ERC1: variants seen among roughly 807,000 people sequenced by gnomAD.
The protein encoded by ERC1 is ELKS/RAB6-interacting/CAST family member 1.
A neutral mutation model predicts 132.0 loss-of-function variants in ERC1; 56 were observed. That is an observed-to-expected ratio of 0.42 (90% CI 0.34 to 0.53). The LOEUF (loss-of-function observed/expected upper bound fraction) is 0.53, where lower values mean the gene tolerates loss of function less well. Ranked by LOEUF, ERC1 falls within the 20% of genes least tolerant of loss-of-function variation. The pLI, the probability that ERC1 is intolerant of heterozygous loss-of-function variation, is 0.03. For synonymous variants in ERC1, 478 were observed against 476.1 expected, an observed-to-expected ratio of 1.00 and a Z score of -0.05; for missense variants, 1,202 against 1,349.9, an observed-to-expected ratio of 0.89 and a Z score of 1.72.
chr12:1,162,693 T>A (rs1164225622), intron 8 of ERC1, among the ~76,000 whole-genome samples: 1 of 152,104 alleles, frequency 6.6e-6, no homozygotes, highest in East Asian at 1.9e-4. Context: ...CAATATTTAC[T>A]AATATATTCT....
At chr12:1,328,778 T>A (rs1287519034) in intron 15 of ERC1, among the ~76,000 whole-genome samples, 2 of 152,186 alleles carry the variant, frequency 1.3e-5, no homozygotes, top group Non-Finnish European at 2.9e-5. Context: ...GTCTTTTTTT[T>A]CTTACCATGG....
rs1156357737 is a variant in ERC1, at chr12:1,394,044, AC to A, written c.2926-14103del. 7.0e-3 allele frequency among the ~76,000 whole-genome samples: 506 copies of A among 72,332 alleles called. 36 individuals carry two copies. The highest frequency in any genetic ancestry group is 0.03 in the African/African-American group (482 of 15,842). 47.5% of individuals were successfully genotyped at this position (72,332 alleles called of 152,430 possible). A position where few individuals can be genotyped will look rare whatever the true frequency, so the allele number is the denominator to read the frequency against. ...AAAAAAAAAAAAAAACAAAAAAAAA[AC>A]CACAAAGCATTAAGCAATTTAATTT... On this transcript the variant is annotated intron_variant, in intron 16 of 18. Transcript: ENST00000360905.
At chr12:1,154,420 G>A (rs1489926021) in intron 8 of ERC1, among the ~76,000 whole-genome samples, 1 of 150,742 alleles carries the variant, frequency 6.6e-6, no homozygotes, top group Non-Finnish European at 1.5e-5. Context: ...TAACCTAGGT[G>A]GATTAAAGAC....
chr12:1,456,243 T>G (rs1440735725), intron 18 of ERC1, among the ~76,000 whole-genome samples: 1 of 152,216 alleles, frequency 6.6e-6, no homozygotes, highest in Admixed American at 6.5e-5. Context: ...GTATCGTGAT[T>G]TTACACCAAC....
chr12:1,360,151 C>G (rs1266354556), intron 15 of ERC1, among the ~76,000 whole-genome samples: 2 of 152,096 alleles, frequency 1.3e-5, no homozygotes, highest in East Asian at 3.9e-4. Flanking sequence ...CTTAATTTCT[C>G]TTCTGATTTT....
At chr12:1,005,001 TAAG>T (rs1963302030) in intron 1 of ERC1, among the ~76,000 whole-genome samples, 1 of 152,174 alleles carries the variant, frequency 6.6e-6, no homozygotes, top group African/African-American at 2.4e-5. Flanking sequence ...TCTTCTGAAG[TAAG>T]AAGAAGCCAT....
chr12:1,154,302 CAT>C (rs777079765), intron 8 of ERC1, among the ~76,000 whole-genome samples: 6 of 146,970 alleles, frequency 4.1e-5, no homozygotes, highest in African/African-American at 7.7e-5. Flanking sequence ...CACACACGTG[CAT>C]ATATATGTGT....
chr12:1,007,446 G>C (rs1259266612), intron 1 of ERC1, among the ~76,000 whole-genome samples: 1 of 148,172 alleles, frequency 6.7e-6, no homozygotes, highest in East Asian at 2.0e-4. Flanking sequence ...GCTTTAACAG[G>C]ACTGGGTAAT....
intron 15 of ERC1, among the ~76,000 whole-genome samples, chr12:1,358,053 C>A (rs936087131): frequency 2.0e-5 from 3 of 151,982 alleles, no homozygotes; most frequent in Non-Finnish European, 4.4e-5. Flanking sequence ...AGGAGATTTG[C>A]CCAAGAATAT....
At chr12:1,297,962 C>A (rs997923589) in intron 15 of ERC1, among the ~76,000 whole-genome samples, 2 of 152,092 alleles carry the variant, frequency 1.3e-5, no homozygotes, top group African/African-American at 4.8e-5. Flanking sequence ...CATGGTGACT[C>A]ATGCCTGTGA....
Position 1,016,638 on chromosome 12 carries a change from T to C in ERC1, c.-156-11110T>C, listed in dbSNP as rs376380375. ...TTGGGATCAGTGCTTTTCTTTTCTTTTTTTTTTTTTTTTTGATTTTTTTGG... is the reference window on the plus strand; with the variant it reads ...TTGGGATCAGTGCTTTTCTTTTCTTCTTTTTTTTTTTTTTGATTTTTTTGG... On this transcript the variant is annotated intron_variant, in intron 1 of 18. Transcript: ENST00000360905. Among the ~76,000 whole-genome samples, 117 of 150,234 alleles carry C rather than the reference T, an allele frequency of 7.8e-4. No individual in the cohort carries two copies. In the East Asian group the frequency reaches 0.02, roughly 26 times the overall value.
chr12:1,133,109 C>T (rs376233951), intron 7 of ERC1, among the ~76,000 whole-genome samples: 4 of 151,878 alleles, frequency 2.6e-5, no homozygotes, highest in South Asian at 4.2e-4. Context: ...CCACCCACCT[C>T]GGCCTCCCAA....
chr12:1,105,314 A>G (rs1400018263), intron 4 of ERC1, among the ~76,000 whole-genome samples: 1 of 152,210 alleles, frequency 6.6e-6, no homozygotes, highest in African/African-American at 2.4e-5. Flanking sequence ...CACACACAAT[A>G]TTAAAAGTAT....
At chr12:1,101,533 T>A (rs1371321355) in intron 3 of ERC1, among the ~76,000 whole-genome samples, 1 of 152,214 alleles carries the variant, frequency 6.6e-6, no homozygotes, top group Non-Finnish European at 1.5e-5. Flanking sequence ...CACAAGATTC[T>A]GTTTCAAAGT....
intron 2 of ERC1, among the ~76,000 whole-genome samples, chr12:1,067,229 A>G (rs533862087): frequency 8.5e-5 from 13 of 152,360 alleles, no homozygotes; most frequent in African/African-American, 3.1e-4. Context: ...TCATTTTTTA[A>G]CAAGCCAGTT....
In ERC1 at chr12:1,495,505, C is replaced by G. The variant is rs1171273370; in HGVS notation, c.*5275C>G. Reference sequence around the variant, plus strand: ...ACCACGCCAGTATTGCATCCATCTACTGCAGCTACACATCCTGAGGGCAGC... The same window carrying G: ...ACCACGCCAGTATTGCATCCATCTAGTGCAGCTACACATCCTGAGGGCAGC... On this transcript the variant is annotated 3_prime_UTR_variant, in exon 19 of 19. Coordinates refer to ENST00000360905, the MANE Select transcript of ERC1 (RefSeq NM_178040.4). 2 of 229,030 alleles carry G rather than the reference C, an allele frequency of 8.7e-6. No individual in the cohort carries two copies. The highest frequency in any genetic ancestry group is 4.4e-5 in the African/African-American group (2 of 45,090). 14.2% of individuals were successfully genotyped at this position (229,030 alleles called of 1,614,324 possible). A position where few individuals can be genotyped will look rare whatever the true frequency, so the allele number is the denominator to read the frequency against.
At chr12:1,485,635 C>T (rs1213983440) in intron 18 of ERC1, among the ~76,000 whole-genome samples, 1 of 152,138 alleles carries the variant, frequency 6.6e-6, no homozygotes, top group East Asian at 1.9e-4. Context: ...TATGGTACCA[C>T]TTCATAATAC....
chr12:1,007,207 A>G (rs1963794285), intron 1 of ERC1, among the ~76,000 whole-genome samples: 1 of 152,140 alleles, frequency 6.6e-6, no homozygotes, highest in Non-Finnish European at 1.5e-5. Flanking sequence ...GGTTTGGATC[A>G]TGAAGGGCTT....
At chr12:1,070,881 CAGGT>C (rs1940219037) in intron 2 of ERC1, among the ~76,000 whole-genome samples, 1 of 152,222 alleles carries the variant, frequency 6.6e-6, no homozygotes, top group African/African-American at 2.4e-5. Flanking sequence ...CCCCGCAGCA[CAGGT>C]AGTGTTCTGA....
Sources: gnomAD v4.1 joint callset for allele counts (sites outside exome capture counted in the v4.1 genomes callset) on GRCh38, gnomAD v4.1.1 for gene constraint, MANE v1.5 for transcripts, NCBI Gene and HGNC (gene_info 2026-07-23, HGNC 2026-07-21) for gene names.